Variants in TAMM41 observed in about 807,000 individuals in gnomAD.
The protein encoded by TAMM41 is TAM41 mitochondrial translocator assembly and maintenance homolog.
In TAMM41, 36 loss-of-function variants were observed where a neutral mutation model predicts 44.1. That is an observed-to-expected ratio of 0.82 (90% CI 0.63 to 1.08). The LOEUF (loss-of-function observed/expected upper bound fraction) is 1.08. Among genes scored for constraint, TAMM41 ranks in the 50% least tolerant of loss-of-function variants. The probability of loss-of-function intolerance (pLI) is 0.00; values close to 1 mark genes in which losing one functional copy is unlikely to be tolerated. For synonymous variants in TAMM41, 164 were observed against 153.1 expected (o/e 1.07, Z -0.53); for missense variants, 417 against 404.3 (o/e 1.03, Z -0.27).
At chr3:11,757,597 T>C in the TAMM41 span, among the ~76,000 whole-genome samples, 1 of 152,210 alleles carries the variant, frequency 6.6e-6, no homozygotes, top group Non-Finnish European at 1.5e-5. Context: ...TGCGTCACCA[T>C]GATGTCACCT....
the TAMM41 span, among the ~76,000 whole-genome samples, chr3:11,751,089 C>CTTT: frequency 0.091 from 11,775 of 130,072 alleles, 685 homozygotes; most frequent in South Asian, 0.15. Flanking sequence ...ACAGATGATA[C>CTTT]TTTTTTTTTT....
rs1250114738 is a variant in TAMM41, at chr3:11,810,813, C to A, written c.709-1131G>T. 4 of 151,522 alleles carry A rather than the reference C, an allele frequency of 2.6e-5. No individual in the cohort carries two copies. In the South Asian group the frequency reaches 6.2e-4, roughly 24 times the overall value. 9.4% of individuals were successfully genotyped at this position (151,522 alleles called of 1,614,324 possible). On this transcript the variant is annotated intron_variant, in intron 5 of 7. Transcript: ENST00000455809. The stretch of plus-strand genomic sequence containing the variant: ...GAGCACAGGTTCACACCTGTAATCC[C>A]AACAGTTTGGGAGGCTGAGGCAGGA...
At chr3:11,792,086 A>G (rs2077493949) in intron 7 of TAMM41, among the ~76,000 whole-genome samples, 1 of 152,240 alleles carries the variant, frequency 6.6e-6, no homozygotes, top group South Asian at 2.1e-4. Context: ...GGGCCATGAT[A>G]ATTCCCAGCT....
intron 3 of TAMM41, among the ~76,000 whole-genome samples, chr3:11,831,226 G>T (rs531067261): frequency 1.3e-5 from 2 of 152,162 alleles, no homozygotes; most frequent in Non-Finnish European, 2.9e-5. Flanking sequence ...ATTATCGGAT[G>T]CAACTCCCAG....
intron 3 of TAMM41, among the ~76,000 whole-genome samples, chr3:11,831,417 T>A (rs1287321646): frequency 2.0e-5 from 3 of 152,202 alleles, no homozygotes; most frequent in Non-Finnish European, 4.4e-5. Context: ...TTTAAAAACA[T>A]CATACTGTTT....
rs2078813880 is a variant in TAMM41, at chr3:11,827,673, AAAT to A, written c.562+2038_562+2040del. ...AAAAAAAAGGAGGGGGGTGGAGGAA[AAAT>A]AATAAAAATAAAAAATAAAAAAAGA... On this transcript the variant is annotated intron_variant, in intron 4 of 7. Transcript: ENST00000455809. Among the ~76,000 whole-genome samples the A allele has an allele frequency of 9.9e-5, 15 of 151,564 alleles. 1 individual carries two copies. The South Asian group carries it at 3.1e-3, about 32-fold the overall frequency.
At chr3:11,734,989 C>T in the TAMM41 span, among the ~76,000 whole-genome samples, 3 of 149,812 alleles carry the variant, frequency 2.0e-5, no homozygotes, top group Non-Finnish European at 4.4e-5. Context: ...GCGGAGCTTG[C>T]AGTGAGCCAA....
the TAMM41 span, among the ~76,000 whole-genome samples, chr3:11,772,472 A>G: frequency 1.3e-5 from 2 of 152,018 alleles, no homozygotes; most frequent in Non-Finnish European, 2.9e-5. Flanking sequence ...TTTCGGAGTT[A>G]TTTCACTTAG....
At chr3:11,785,696 C>T (rs2077412613), downstream of TAMM41, among the ~76,000 whole-genome samples, 1 of 151,896 alleles carries the variant, frequency 6.6e-6, no homozygotes, top group Admixed American at 6.6e-5. Flanking sequence ...CTCACTGCAG[C>T]CTTGACCTCC....
At chr3:11,767,643 TGAGACAGAGTCTTGCTC>T in the TAMM41 span, among the ~76,000 whole-genome samples, 9 of 138,914 alleles carry the variant, frequency 6.5e-5, no homozygotes, top group Non-Finnish European at 7.8e-5. Flanking sequence ...TTTTTTTTTT[TGAGACAGAGTCTTGCTC>T]TTTTGCCCAG....
intron 7 of TAMM41, among the ~76,000 whole-genome samples, chr3:11,793,439 C>G (rs919079388): frequency 1.3e-5 from 2 of 152,216 alleles, no homozygotes; most frequent in African/African-American, 4.8e-5. Context: ...GCAGTTTCTA[C>G]TAAAGCTGAA....
chr3:11,800,254 CAAAG>C (rs2077714921), intron 7 of TAMM41, among the ~76,000 whole-genome samples: 1 of 151,812 alleles, frequency 6.6e-6, no homozygotes, highest in East Asian at 1.9e-4. Flanking sequence ...AGAAAGAAAA[CAAAG>C]AATTTATAAA....
the TAMM41 span, among the ~76,000 whole-genome samples, chr3:11,762,275 A>G: frequency 2.0e-5 from 3 of 152,190 alleles, no homozygotes; most frequent in Non-Finnish European, 2.9e-5. Flanking sequence ...ATCTTAAGAA[A>G]TTATCTTGAC....
the TAMM41 span, among the ~76,000 whole-genome samples, chr3:11,725,422 T>TTC: frequency 1.2e-5 from 1 of 83,380 alleles, no homozygotes; most frequent in South Asian, 4.3e-4. Flanking sequence ...TTCTTCTTCT[T>TTC]CTTTCCTCCT....
intron 3 of TAMM41, among the ~76,000 whole-genome samples, chr3:11,831,868 A>G (rs972040242): frequency 5.9e-5 from 9 of 152,200 alleles, no homozygotes; most frequent in African/African-American, 1.9e-4. Flanking sequence ...ACTTGATTCA[A>G]TAACACCCCC....
chr3:11,839,464 C>A, intron 2 of TAMM41, 150 bp from the exon 3 acceptor site: 2 of 576,588 alleles, frequency 3.5e-6, no homozygotes, highest in Non-Finnish European at 6.0e-6. Flanking sequence ...TGAAAACACA[C>A]ATCTCCACCA....
At chr3:11,834,052 G>T (rs2079081765) in intron 3 of TAMM41, among the ~76,000 whole-genome samples, 1 of 152,098 alleles carries the variant, frequency 6.6e-6, no homozygotes, top group East Asian at 1.9e-4. Flanking sequence ...AGACCAGTCT[G>T]GGCAACATGG....
downstream of TAMM41, among the ~76,000 whole-genome samples, chr3:11,786,283 A>ATTT (rs397814541): frequency 3.2e-3 from 404 of 126,388 alleles, 2 homozygotes; most frequent in Non-Finnish European, 3.4e-3. Flanking sequence ...TTATTTATTT[A>ATTT]ATTTTATTAT....
chr3:11,807,779 G>C, intron 7 of TAMM41, 54 bp downstream of exon 7: 3 of 1,536,056 alleles, frequency 2.0e-6, no homozygotes, highest in Non-Finnish European at 2.6e-6. Context: ...AACCAAGAGT[G>C]TGGAAGCCAC....
Sources: allele counts gnomAD v4.1 joint callset (sites outside exome capture counted in the v4.1 genomes callset), GRCh38; gene constraint gnomAD v4.1.1; transcripts MANE v1.5; gene names NCBI Gene and HGNC (gene_info 2026-07-23, HGNC 2026-07-21).